STAG2: variants seen among roughly 807,000 people sequenced by gnomAD.
The protein encoded by STAG2 is cohesin subunit SA-2.
STAG2 carries 14 observed loss-of-function variants against 108.1 expected under a neutral mutation model. That is an observed-to-expected ratio of 0.13 (90% CI 0.09 to 0.20). STAG2 has a LOEUF of 0.20. STAG2 is among the 10% of genes least tolerant of loss of function. STAG2 has a pLI of 1.00. For synonymous variants in STAG2, 307 were observed against 302.7 expected (o/e 1.01, Z -0.15); for missense variants, 440 against 940.9 (o/e 0.47, Z 6.96).
At chrX:124,015,830 A>G (rs1244419152) in intron 1 of STAG2, among the ~76,000 whole-genome samples, 1 of 111,839 alleles carries the variant, frequency 8.9e-6, no homozygotes, top group Non-Finnish European at 1.9e-5. Context: ...GTTTGGATCA[A>G]ATGTACTACT....
intron 24 of STAG2, among the ~76,000 whole-genome samples, chrX:124,070,471 ATAAT>A (rs756075327): frequency 1.7e-4 from 19 of 111,795 alleles, no homozygotes; most frequent in Middle Eastern, 4.6e-3. Flanking sequence ...TTCCCAACAA[ATAAT>A]TAATTAGTCT....
intron 34 of STAG2, chrX:124,097,693 A>G (rs1323605647): frequency 1.5e-5 from 5 of 342,620 alleles, no homozygotes; most frequent in South Asian, 1.3e-4. Context: ...GAGAAAGGTA[A>G]TGGGAATTTC....
At chrX:123,981,139 T>A (rs907985882) in intron 1 of STAG2, among the ~76,000 whole-genome samples, 6 of 111,459 alleles carry the variant, frequency 5.4e-5, no homozygotes, top group African/African-American at 2.0e-4. Context: ...TTCTTAATTT[T>A]GGTAAAATAT....
At chrX:124,042,745 G>T in intron 7 of STAG2, 100 bp downstream of exon 7, 3 of 607,951 alleles carry the variant, frequency 4.9e-6, no homozygotes, top group African/African-American at 2.2e-5. Flanking sequence ...GGGCATGGTG[G>T]CTCATGCCTG....
intron 34 of STAG2, among the ~76,000 whole-genome samples, chrX:124,098,208 A>G (rs1184306556): frequency 9.0e-6 from 1 of 111,112 alleles, no homozygotes; most frequent in East Asian, 2.8e-4. Context: ...TCTTAATTTG[A>G]TAATAGTTTA....
intron 6 of STAG2, among the ~76,000 whole-genome samples, chrX:124,041,845 A>C (rs781054032): frequency 5.4e-5 from 6 of 111,390 alleles, no homozygotes; most frequent in Non-Finnish European, 1.1e-4. Context: ...GTCCTTATCA[A>C]ATTGTTTCTC....
At chrX:124,036,039 A>G (rs1391236994) in intron 5 of STAG2, among the ~76,000 whole-genome samples, 1 of 112,497 alleles carries the variant, frequency 8.9e-6, no homozygotes, top group African/African-American at 3.2e-5. Context: ...AAAAATACTG[A>G]GCACATTTCT....
intron 1 of STAG2, among the ~76,000 whole-genome samples, chrX:123,995,798 TA>T (rs1239807441): frequency 2.7e-5 from 3 of 112,647 alleles, no homozygotes; most frequent in Non-Finnish European, 5.6e-5. Context: ...AAGTGCTTAT[TA>T]AAATGACAGA....
At chrX:124,019,375 TA>T (rs2056849236) in intron 1 of STAG2, among the ~76,000 whole-genome samples, 1 of 110,662 alleles carries the variant, frequency 9.0e-6, no homozygotes, top group African/African-American at 3.3e-5. Flanking sequence ...TATTTAATAA[TA>T]ATAAGTGGCA....
At chrX:124,061,076 G>T in intron 15 of STAG2, 148 bp from the exon 16 acceptor site, 1 of 349,436 alleles carries the variant, frequency 2.9e-6, no homozygotes, top group Non-Finnish European at 4.9e-6. Context: ...AACTAAGGCA[G>T]TTTCTTCTCT....
At chrX:124,009,494 CT>C (rs1260899483) in intron 1 of STAG2, among the ~76,000 whole-genome samples, 1 of 107,059 alleles carries the variant, frequency 9.3e-6, no homozygotes, top group Non-Finnish European at 1.9e-5. Context: ...CTTACTGGAT[CT>C]TTTTCATGCT....
intron 6 of STAG2, among the ~76,000 whole-genome samples, chrX:124,039,431 G>GC (rs1163073862): frequency 1.8e-5 from 2 of 109,383 alleles, no homozygotes; most frequent in Admixed American, 9.9e-5. Flanking sequence ...CTACAGGCGT[G>GC]CACCACCATG....
chrX:124,099,080 CTTATTAGAATTATTTA>C (rs2059449978), intron 34 of STAG2, among the ~76,000 whole-genome samples: 1 of 111,762 alleles, frequency 8.9e-6, no homozygotes, highest in African/African-American at 3.2e-5. Context: ...TTGAGATTCT[CTTATTAGAATTATTTA>C]TAGTATAAAA....
In STAG2 at chrX:124,051,403, G is replaced by A; in HGVS notation, c.1196+9G>A. 1 of 1,145,926 alleles carries A rather than the reference G, an allele frequency of 8.7e-7. No homozygotes were observed. Among genetic ancestry groups the A allele is most frequent in the Non-Finnish European group, 1.2e-6 (1 of 845,756 alleles). The allele number at this position is 1,145,926 out of a possible 1,213,427, so 94.4% of individuals were successfully genotyped here. On this transcript the variant is annotated intron_variant, in intron 13 of 34. Transcript: ENST00000371145. ...CTCACTCTTGTTTTACAGTAAGTAT[G>A]TATTTGTTGCATATTTGCACTAATG...
chrX:123,980,330 GCTTAA>G (rs781167039), intron 1 of STAG2, among the ~76,000 whole-genome samples: 9 of 110,947 alleles, frequency 8.1e-5, no homozygotes, highest in African/African-American at 3.0e-4. Flanking sequence ...AAAACATCAT[GCTTAA>G]CTTGGCAGGA....
rs187127540 is a variant in STAG2, at chrX:124,026,366, A to G, written c.123+448A>G. 2.1e-4 allele frequency among the ~76,000 whole-genome samples: 23 copies of G among 111,135 alleles called. No homozygotes were observed. The East Asian group carries it at 5.6e-3, about 27-fold the overall frequency. On this transcript the variant is annotated intron_variant, in intron 4 of 34. Coordinates refer to ENST00000371145, the MANE Select transcript of STAG2 (RefSeq NM_001042750.2). Reference sequence around the variant, plus strand: ...ACAAATGACAATAGTTTTACTCTTTATAAGTAATATGAAAGATAAAAAATT... The same window carrying G: ...ACAAATGACAATAGTTTTACTCTTTGTAAGTAATATGAAAGATAAAAAATT...
chrX:124,056,008 C>A, intron 13 of STAG2, 120 bp from the exon 14 acceptor site: 1 of 348,162 alleles, frequency 2.9e-6, no homozygotes, highest in Non-Finnish European at 4.6e-6. Flanking sequence ...TTTTTTTTTC[C>A]TTTAACACAA....
At chrX:123,973,263 G>A (rs889868857) in intron 1 of STAG2, among the ~76,000 whole-genome samples, 1 of 109,841 alleles carries the variant, frequency 9.1e-6, no homozygotes, top group African/African-American at 3.3e-5. Context: ...TGGGGGACCG[G>A]GTGCGGTAGC....
At chrX:124,032,310 C>T (rs774056036) in intron 5 of STAG2, among the ~76,000 whole-genome samples, 1 of 111,391 alleles carries the variant, frequency 9.0e-6, no homozygotes, top group African/African-American at 3.3e-5. Flanking sequence ...ATATTCATGT[C>T]GAATCATTCG....
Sources: gnomAD v4.1 joint callset for allele counts (sites outside exome capture counted in the v4.1 genomes callset) on GRCh38, gnomAD v4.1.1 for gene constraint, MANE v1.5 for transcripts, NCBI Gene and HGNC (gene_info 2026-07-23, HGNC 2026-07-21) for gene names.